The following STARD9 variants were observed in gnomAD, a reference collection of about 807,000 sequenced individuals.
STARD9 encodes the protein stAR-related lipid transfer protein 9.
STARD9 carries 346 observed loss-of-function variants against 399.8 expected under a neutral mutation model. The ratio of observed to expected loss-of-function variants is 0.87; its 90% CI spans 0.79 to 0.95. STARD9 has a LOEUF of 0.95. Ranked by LOEUF, STARD9 falls within the 40% of genes least tolerant of loss-of-function variation. STARD9 has a pLI of 0.00. For synonymous variants in STARD9, 2,203 were observed against 2,143.5 expected (o/e 1.03, Z -0.77); for missense variants, 5,832 against 5,667.5 (o/e 1.03, Z -0.93).
At chr15:42,598,125 G>A (rs1337587407) in intron 3 of STARD9, among the ~76,000 whole-genome samples, 1 of 151,378 alleles carries the variant, frequency 6.6e-6, no homozygotes, top group Non-Finnish European at 1.5e-5. Context: ...TCCACCTTCC[G>A]AGTTCACGCC....
intron 4 of STARD9, 68 bp from the exon 5 acceptor site, chr15:42,637,839 T>C (rs935405275): frequency 6.7e-6 from 10 of 1,490,572 alleles, no homozygotes; most frequent in Non-Finnish European, 9.1e-6. Flanking sequence ...GGATGGTTCC[T>C]GGGTATTCTG....
intron 26 of STARD9, among the ~76,000 whole-genome samples, chr15:42,711,171 G>C (rs1291774528): frequency 7.1e-6 from 1 of 140,534 alleles, no homozygotes; most frequent in East Asian, 2.1e-4. Flanking sequence ...ACAGAGTCTT[G>C]CTCTGTTACC....
At chr15:42,628,092 A>G (rs557613478) in intron 3 of STARD9, among the ~76,000 whole-genome samples, 1 of 152,252 alleles carries the variant, frequency 6.6e-6, no homozygotes, top group South Asian at 2.1e-4. Context: ...CCTCACCAGC[A>G]TTCATTATTG....
At position 42,687,575 on chromosome 15, in the gene STARD9, A is replaced by G. The variant is rs2060591942; in HGVS notation, c.5997A>G (p.Thr1999=). The G allele has an allele frequency of 2.0e-6, 3 of 1,536,978 alleles. No individual in the cohort carries two copies. The African/African-American group carries it at 4.1e-5, about 21-fold the overall frequency. The change falls in exon 23 of 33, where the codon ACA becomes ACG. Residue 1999 remains threonine (T), a synonymous_variant. Transcript: ENST00000290607. ...DSSEEFKLPG[T]KPAYERFQLV... is the part of the protein sequence containing the mutation. ...CAGAAGAGTTTAAGCTTCCAGGTAC[A>G]AAGCCTGCATATGAAAGGTTCCAGT...
chr15:42,614,530 A>C (rs1233910417), intron 3 of STARD9, among the ~76,000 whole-genome samples: 1 of 152,176 alleles, frequency 6.6e-6, no homozygotes, highest in Non-Finnish European at 1.5e-5. Flanking sequence ...TGCTGGTGAG[A>C]ATGTGCAGAA....
chr15:42,617,826 C>A (rs75083588), intron 3 of STARD9, among the ~76,000 whole-genome samples: 1 of 149,668 alleles, frequency 6.7e-6, no homozygotes, highest in Admixed American at 6.6e-5. Flanking sequence ...CGATTATAGC[C>A]CACTGCAGCC....
rs149354576 is a variant in STARD9, at chr15:42,639,266, C to A, written c.559+454C>A. On this transcript the variant is annotated intron_variant, in intron 7 of 32. Coordinates refer to ENST00000290607, the MANE Select transcript of STARD9 (RefSeq NM_020759.3). ...GAGAAGGCTTGATGTTTTCAAGGGG[C>A]CAGTGTGGCTAAAGCATGGTGAATG... Among the ~76,000 whole-genome samples the A allele has an allele frequency of 6.1e-3, 930 of 152,132 alleles. 3 individuals are homozygous for A. The highest frequency in any genetic ancestry group is 8.2e-3 in the Non-Finnish European group (559 of 67,982).
At chr15:42,585,461 C>T (rs2058255823) in intron 2 of STARD9, 60 bp from the exon 3 acceptor site, 2 of 1,139,060 alleles carry the variant, frequency 1.8e-6, no homozygotes, top group South Asian at 1.3e-5. Context: ...TGATCAAGTG[C>T]CACTGGCCAG....
In STARD9 at chr15:42,663,800, A is replaced by G; in HGVS notation, c.1079-20A>G. 6.6e-7 allele frequency: 1 copy of G among 1,518,312 alleles called. No homozygotes were observed. Among genetic ancestry groups the G allele is most frequent in the Non-Finnish European group, 8.9e-7 (1 of 1,129,684 alleles). The allele number at this position is 1,518,312 out of a possible 1,614,324, so 94.1% of individuals were successfully genotyped here. A position where few individuals can be genotyped will look rare whatever the true frequency, so the allele number is the denominator to read the frequency against. On this transcript the variant is annotated intron_variant, in intron 12 of 32. Transcript: ENST00000290607. The stretch of plus-strand genomic sequence containing the variant: ...GATGGATGGGCTGGCATGTTTTTAA[A>G]CTTTCTCCTTCTACCTCAGCGGTGT...
intron 26 of STARD9, among the ~76,000 whole-genome samples, chr15:42,709,462 G>A (rs35392023): frequency 0.13 from 19,420 of 152,208 alleles, 1,751 homozygotes; most frequent in South Asian, 0.23. Flanking sequence ...AGAGGCGGGC[G>A]GATCACGAGG....
At chr15:42,671,346 G>A (rs1209144670) in intron 16 of STARD9, 2 of 152,036 alleles carry the variant, frequency 1.3e-5, no homozygotes, top group Non-Finnish European at 2.9e-5. Flanking sequence ...TTTTAGTAAA[G>A]CAATTTTACT....
At chr15:42,679,403 A>C (rs1401717209) in intron 20 of STARD9, among the ~76,000 whole-genome samples, 8 of 152,180 alleles carry the variant, frequency 5.3e-5, no homozygotes, top group Admixed American at 2.0e-4. Context: ...TTTTGCCCAC[A>C]GCAATCAGTG....
At chr15:42,612,260 GA>G (rs1305354218) in intron 3 of STARD9, among the ~76,000 whole-genome samples, 2 of 152,164 alleles carry the variant, frequency 1.3e-5, no homozygotes. Context: ...TTACAGGCCG[GA>G]GCCACCTCGC....
Position 42,692,746 on chromosome 15 carries a change from T to A in STARD9, c.11168T>A (p.Met3723Lys), listed in dbSNP as rs769451899. The A allele has an allele frequency of 1.8e-5, 28 of 1,536,942 alleles. No homozygotes were observed. The highest frequency in any genetic ancestry group is 9.8e-5 in the Admixed American group (5 of 50,974). The change falls in exon 23 of 33, where the codon ATG (methionine) becomes AAG (lysine). Residue 3723 changes from methionine (M) to lysine (K), a missense_variant. Met to Lys is a moderately conservative substitution (Grantham distance 95). Coordinates refer to ENST00000290607, the MANE Select transcript of STARD9 (RefSeq NM_020759.3). Reference protein sequence around the residue: ...DIPDKAPQALMMDGSTQTTVD... With the variant: ...DIPDKAPQALKMDGSTQTTVD... ...CCAGATAAAGCCCCACAGGCCCTGA[T>A]GATGGATGGCTCTACTCAGACCACT...
At chr15:42,626,440 T>TCTC (rs1419503340) in intron 3 of STARD9, among the ~76,000 whole-genome samples, 2 of 135,362 alleles carry the variant, frequency 1.5e-5, no homozygotes, top group Admixed American at 1.5e-4. Context: ...TCTTCTTCCT[T>TCTC]CTCCTCCTCC....
In STARD9 at chr15:42,716,658, A is replaced by G; in HGVS notation, c.13285-19A>G. ...GTGCTTGCCTTCTGGCTCTGTCCTG[A>G]GTATCCTCTCTTCTGCAGGGGCATA... On this transcript the variant is annotated intron_variant, in intron 26 of 32. Transcript: ENST00000290607. 2 of 1,485,616 alleles carry G rather than the reference A, an allele frequency of 1.3e-6. No individual in the cohort carries two copies. Among genetic ancestry groups the G allele is most frequent in the Non-Finnish European group, 1.8e-6 (2 of 1,099,806 alleles). 92.0% of individuals were successfully genotyped at this position (1,485,616 alleles called of 1,614,324 possible).
chr15:42,606,418 A>G (rs904212178), intron 3 of STARD9, among the ~76,000 whole-genome samples: 1 of 152,164 alleles, frequency 6.6e-6, no homozygotes, highest in Non-Finnish European at 1.5e-5. Context: ...AAGCCTCTCT[A>G]TTGGCCCCTC....
chr15:42,700,496 T>C (rs1415017035), intron 26 of STARD9, among the ~76,000 whole-genome samples: 1 of 152,246 alleles, frequency 6.6e-6, no homozygotes, highest in African/African-American at 2.4e-5. Context: ...TGATATTTCA[T>C]TGTAGTTTTG....
In STARD9 at chr15:42,686,707, G is replaced by A. The variant is rs1280474475; in HGVS notation, c.5129G>A (p.Arg1710Lys). 3.3e-6 allele frequency: 5 copies of A among 1,537,604 alleles called. No individual in the cohort carries two copies. In the African/African-American group the frequency reaches 5.5e-5, roughly 17 times the overall value. ...DCQESSKEAV[R>K]RHINVSFALP... ...CAGGAGAGCTCTAAGGAAGCAGTTA[G>A]AAGACACATAAATGTTTCCTTTGCC... The change falls in exon 23 of 33, where the codon AGA becomes AAA. Residue 1710 changes from arginine to lysine, a missense_variant. By Grantham distance (26) the Arg-to-Lys change is conservative. This residue lies in a region of STARD9 where 5,828 missense variants were observed against 5,651.1 expected (regional missense o/e 1.03). Coordinates refer to ENST00000290607, the MANE Select transcript of STARD9 (RefSeq NM_020759.3).
Sources: allele counts gnomAD v4.1 joint callset (sites outside exome capture counted in the v4.1 genomes callset), GRCh38; gene constraint gnomAD v4.1.1; regional missense constraint gnomAD v4.1.1; transcripts MANE v1.5; gene names NCBI Gene and HGNC (gene_info 2026-07-23, HGNC 2026-07-21).